PRKRA: variants seen among roughly 807,000 people sequenced by gnomAD.
PRKRA encodes protein activator of interferon induced protein kinase EIF2AK2, also known as interferon-inducible double-stranded RNA-dependent protein kinase activator A.
In PRKRA, 22 loss-of-function variants were observed where a neutral mutation model predicts 32.4. That is an observed-to-expected ratio of 0.68 (90% CI 0.49 to 0.97). The LOEUF is 0.97. Among genes scored for constraint, PRKRA ranks in the 50% least tolerant of loss-of-function variants. The pLI, the probability that PRKRA is intolerant of heterozygous loss-of-function variation, is 0.00. For missense variants in PRKRA, 319 were observed against 375.6 expected, an observed-to-expected ratio of 0.85 and a Z score of 1.25; for synonymous variants, 139 against 129.8, an observed-to-expected ratio of 1.07 and a Z score of -0.48.
chr2:178,444,081 CT>C (rs1422234924), intron 4 of PRKRA: 2 of 214,168 alleles, frequency 9.3e-6, no homozygotes, highest in Admixed American at 1.0e-4. Flanking sequence ...GATTTAGGCT[CT>C]CTATAAAGTC....
intron 2 of PRKRA, 63 bp from the exon 3 acceptor site, chr2:178,447,649 G>A: frequency 7.8e-7 from 1 of 1,278,076 alleles, no homozygotes; most frequent in Non-Finnish European, 1.0e-6. Flanking sequence ...TTACAAAGAT[G>A]TTTTCAATAC....
chr2:178,450,763 G>A (rs928317365), intron 1 of PRKRA: 4 of 1,345,070 alleles, frequency 3.0e-6, no homozygotes, highest in East Asian at 5.8e-5. Flanking sequence ...CCCGCGCGCC[G>A]CCAGGGACCA....
chr2:178,437,561 G>C (rs539053961), intron 6 of PRKRA, among the ~76,000 whole-genome samples: 6 of 152,170 alleles, frequency 3.9e-5, no homozygotes, highest in African/African-American at 1.4e-4. Context: ...GCACTTGAAT[G>C]AGTTTCTCTG....
chr2:178,450,047 T>A (rs1697496668), intron 2 of PRKRA, 195 bp downstream of exon 2: 2 of 742,382 alleles, frequency 2.7e-6, no homozygotes. Context: ...GCTTCCTTGG[T>A]ATGTGGGGAA....
chr2:178,451,113 G>C lies in PRKRA; in HGVS notation c.-83C>G. The stretch of plus-strand genomic sequence containing the variant: ...TCCCCGGGTCGCTGGTCCCCGGGAG[G>C]AGCTCCAGCGCCGCCACCTCCTCCG... On this transcript the variant is annotated 5_prime_UTR_variant, in exon 1 of 8. Transcript: ENST00000325748. 1 of 1,453,436 alleles carries C rather than the reference G, an allele frequency of 6.9e-7. No individual in the cohort carries two copies. The highest frequency in any genetic ancestry group is 1.3e-5 in the South Asian group (1 of 78,150). The allele number at this position is 1,453,436 out of a possible 1,614,324, so 90.0% of individuals were successfully genotyped here. A position where few individuals can be genotyped will look rare whatever the true frequency, so the allele number is the denominator to read the frequency against.
intron 3 of PRKRA, among the ~76,000 whole-genome samples, chr2:178,446,977 A>G (rs1240836552): frequency 7.5e-6 from 1 of 133,158 alleles, no homozygotes; most frequent in African/African-American, 2.9e-5. Context: ...TGGGCGACAG[A>G]GCGAGACTCC....
chr2:178,444,490 G>C lies in PRKRA; in HGVS notation c.328C>G (p.Pro110Ala). 6.3e-7 allele frequency: 1 copy of C among 1,595,936 alleles called. No individual in the cohort carries two copies. The highest frequency in any genetic ancestry group is 8.6e-7 in the Non-Finnish European group (1 of 1,163,750). ...GAAGGGTCAGGCATTAAGGGGTCAG[G>C]AACTGCAAAGCTAAATATTTTTTAA... ...KANASICFAV[P>A]DPLMPDPSKQ... The change falls in exon 4 of 8, where the codon CCT (proline) becomes GCT (alanine). Residue 110 changes from proline (P) to alanine (A), a missense_variant. Transcript: ENST00000325748.
chr2:178,441,879 TATTA>T (rs1425987254), intron 5 of PRKRA, among the ~76,000 whole-genome samples, 175 bp from the exon 6 acceptor site: 2 of 149,200 alleles, frequency 1.3e-5, no homozygotes, highest in Non-Finnish European at 3.0e-5. Flanking sequence ...TTTGTATAGC[TATTA>T]ATTCTTTTTT....
At chr2:178,439,966 A>G (rs928399651) in intron 6 of PRKRA, 13 of 152,050 alleles carry the variant, frequency 8.5e-5, no homozygotes, top group African/African-American at 2.4e-4. Context: ...ATTGATCTGT[A>G]ATTTTTTTTT....
intron 2 of PRKRA, 45 bp downstream of exon 2, chr2:178,450,197 G>A: frequency 1.6e-6 from 2 of 1,248,336 alleles, no homozygotes; most frequent in South Asian, 1.4e-5. Context: ...ACCAAGTATT[G>A]ACTGCCAACC....
At chr2:178,436,959 T>A (rs1302459321) in intron 6 of PRKRA, among the ~76,000 whole-genome samples, 1 of 152,152 alleles carries the variant, frequency 6.6e-6, no homozygotes, top group Non-Finnish European at 1.5e-5. Context: ...TCCCTTTTCA[T>A]CTCTGTCCTT....
intron 6 of PRKRA, chr2:178,439,466 A>T (rs1257564374): frequency 6.6e-6 from 1 of 152,222 alleles, no homozygotes; most frequent in Non-Finnish European, 1.5e-5. Context: ...TATTAATTTC[A>T]TAATCAGTTA....
At position 178,450,962 on chromosome 2, in the gene PRKRA, T is replaced by G; in HGVS notation, c.65+4A>C. Reference sequence around the variant, plus strand: ...CCTGGGGCCCTGACTGCCCGCACGCTGACCTGAAGGTCCCACTGTCCTCGC... The same window carrying G: ...CCTGGGGCCCTGACTGCCCGCACGCGGACCTGAAGGTCCCACTGTCCTCGC... On this transcript the variant is annotated splice_donor_region_variant and intron_variant, in intron 1 of 7. Transcript: ENST00000325748. The G allele has an allele frequency of 1.3e-6, 1 of 771,202 alleles. No homozygotes were observed. The highest frequency in any genetic ancestry group is 5.8e-5 in the East Asian group (1 of 17,378). 47.8% of individuals were successfully genotyped at this position (771,202 alleles called of 1,614,324 possible).
intron 7 of PRKRA, among the ~76,000 whole-genome samples, chr2:178,435,478 T>C (rs573918457): frequency 6.6e-6 from 1 of 152,260 alleles, no homozygotes; most frequent in East Asian, 1.9e-4. Flanking sequence ...ACTGACTTGC[T>C]TTCCCATCTG....
intron 7 of PRKRA, among the ~76,000 whole-genome samples, chr2:178,435,933 A>G (rs1052176002): frequency 1.3e-5 from 2 of 152,222 alleles, no homozygotes; most frequent in Non-Finnish European, 2.9e-5. Context: ...TGTTTTTGTT[A>G]TAACTGTATA....
chr2:178,444,580 ACT>A, intron 3 of PRKRA, 80 bp from the exon 4 acceptor site: 4 of 851,796 alleles, frequency 4.7e-6, no homozygotes, highest in Admixed American at 5.0e-5. Context: ...TTTCTAATTA[ACT>A]CTCTATGTCT....
At chr2:178,443,820 G>A (rs1456595377) in intron 4 of PRKRA, 3 of 178,054 alleles carry the variant, frequency 1.7e-5, no homozygotes, top group African/African-American at 7.2e-5. Context: ...CTTGCATAAA[G>A]TGGGGGACAG....
At chr2:178,434,823 T>G (rs185491669) in intron 7 of PRKRA, among the ~76,000 whole-genome samples, 28 of 152,034 alleles carry the variant, frequency 1.8e-4, no homozygotes, top group Non-Finnish European at 3.5e-4. Context: ...TCACACATGT[T>G]AAATCAAGAT....
Position 178,432,096 on chromosome 2 carries a change from TTTAC to T in PRKRA, c.939_942del (p.Ter314SerfsTer5). ...GAAAGATTTTTTAAGTTGCTCCAGA[TTTAC>T]TTTCTTTCTGCTATTATCTTTAAAT... is the stretch of plus-strand genomic sequence containing the variant. On this transcript the variant is annotated frameshift_variant and stop_lost, in exon 8 of 8. Coordinates refer to ENST00000325748, the MANE Select transcript of PRKRA (RefSeq NM_003690.5). LOFTEE classifies it high-confidence loss of function. The T allele has an allele frequency of 6.2e-7, 1 of 1,614,142 alleles. No homozygotes were observed. Among genetic ancestry groups the T allele is most frequent in the Non-Finnish European group, 8.5e-7 (1 of 1,180,004 alleles).
Sources: gnomAD v4.1 joint callset for allele counts (sites outside exome capture counted in the v4.1 genomes callset) on GRCh38, gnomAD v4.1.1 for gene constraint, MANE v1.5 for transcripts, NCBI Gene and HGNC (gene_info 2026-07-23, HGNC 2026-07-21) for gene names.